SH2D4A: variants seen among roughly 807,000 people sequenced by gnomAD.
SH2D4A encodes the protein SH2 domain-containing protein 4A.
In SH2D4A, 70 loss-of-function variants were observed where a neutral mutation model predicts 64.7. The ratio of observed to expected loss-of-function variants is 1.08; its 90% CI spans 0.89 to 1.32. The LOEUF is 1.32. Ranked by LOEUF, SH2D4A falls within the 40% of genes most tolerant of loss-of-function variation. The pLI is 0.00. For synonymous variants in SH2D4A, 268 were observed against 200.7 expected, an observed-to-expected ratio of 1.34 and a Z score of -2.83; for missense variants, 706 against 540.1, an observed-to-expected ratio of 1.31 and a Z score of -3.04.
chr8:19,330,158 A>G (rs954308654), intron 2 of SH2D4A, among the ~76,000 whole-genome samples: 3 of 152,178 alleles, frequency 2.0e-5, no homozygotes, highest in African/African-American at 7.2e-5. Flanking sequence ...TGTAGAATGA[A>G]CTACTACGAA....
At chr8:19,390,970 A>G (rs922991228) in intron 8 of SH2D4A, among the ~76,000 whole-genome samples, 2 of 152,182 alleles carry the variant, frequency 1.3e-5, no homozygotes, top group Non-Finnish European at 2.9e-5. Context: ...CATAAATTGT[A>G]ACACCTGCCC....
intron 8 of SH2D4A, among the ~76,000 whole-genome samples, chr8:19,390,039 G>C (rs2053463839): frequency 6.6e-6 from 1 of 152,148 alleles, no homozygotes; most frequent in East Asian, 1.9e-4. Context: ...AGAATTCTTA[G>C]AGTTGTGCAA....
chr8:19,352,644 C>A (rs895383169), intron 4 of SH2D4A, among the ~76,000 whole-genome samples: 7 of 152,012 alleles, frequency 4.6e-5, no homozygotes, highest in African/African-American at 1.7e-4. Flanking sequence ...TCTGGGAGAC[C>A]CTGAGGAAGG....
intron 1 of SH2D4A, among the ~76,000 whole-genome samples, chr8:19,314,795 T>C (rs1410475661): frequency 6.6e-6 from 1 of 152,220 alleles, no homozygotes; most frequent in Admixed American, 6.5e-5. Flanking sequence ...ATACTAAATC[T>C]GTGTGTACAG....
chr8:19,337,234 C>T (rs1400350908), intron 4 of SH2D4A, among the ~76,000 whole-genome samples: 1 of 152,092 alleles, frequency 6.6e-6, no homozygotes, highest in African/African-American at 2.4e-5. Context: ...GACAGCAGGC[C>T]ACACAGCGAG....
intron 4 of SH2D4A, among the ~76,000 whole-genome samples, chr8:19,340,059 C>T (rs1214601661): frequency 6.6e-6 from 1 of 152,168 alleles, no homozygotes; most frequent in East Asian, 1.9e-4. Context: ...TACATTAGCA[C>T]TGGGGCAGCT....
chr8:19,361,175 TG>T, intron 5 of SH2D4A, 27 bp from the exon 6 acceptor site: 2 of 1,318,824 alleles, frequency 1.5e-6, no homozygotes, highest in Non-Finnish European at 2.1e-6. Flanking sequence ...GTTTTGTTTT[TG>T]TTTTTTTTTG....
chr8:19,319,355 A>G lies in SH2D4A; in HGVS notation c.-193A>G, dbSNP rs908341232. 1.1e-5 allele frequency: 14 copies of G among 1,236,174 alleles called. No homozygotes were observed. The African/African-American group carries it at 2.2e-4, about 19-fold the overall frequency. The allele number at this position is 1,236,174 out of a possible 1,614,324, so 76.6% of individuals were successfully genotyped here. A position where few individuals can be genotyped will look rare whatever the true frequency, so the allele number is the denominator to read the frequency against. ...CTTTCTCTCTGCAGGTTCAGTGAAC[A>G]GCATTTTGGACAGGACATTTGGTGC... On this transcript the variant is annotated 5_prime_UTR_variant, in exon 2 of 10. Coordinates refer to ENST00000265807, the MANE Select transcript of SH2D4A (RefSeq NM_022071.4).
intron 4 of SH2D4A, among the ~76,000 whole-genome samples, chr8:19,340,349 G>T (rs2052509872): frequency 6.6e-6 from 1 of 152,152 alleles, no homozygotes; most frequent in South Asian, 2.1e-4. Flanking sequence ...GAGCTGATCA[G>T]GTTTATATTT....
chr8:19,342,442 T>C (rs1474353505), intron 4 of SH2D4A, among the ~76,000 whole-genome samples: 1 of 152,246 alleles, frequency 6.6e-6, no homozygotes, highest in Non-Finnish European at 1.5e-5. Context: ...AGAGGATAGC[T>C]GGGAGCTTGG....
chr8:19,355,343 C>T lies in SH2D4A; in HGVS notation c.514-1860C>T, dbSNP rs192938798. 4.9e-4 allele frequency among the ~76,000 whole-genome samples: 75 copies of T among 152,210 alleles called. No homozygotes were observed. The East Asian group carries it at 7.7e-3, about 16-fold the overall frequency. On this transcript the variant is annotated intron_variant, in intron 4 of 9. Coordinates refer to ENST00000265807, the MANE Select transcript of SH2D4A (RefSeq NM_022071.4). ...AAGTCATCTTGGACTTTTGAGCAGA[C>T]GCGCTTACATGAAACTTGTGGGAAC...
intron 7 of SH2D4A, among the ~76,000 whole-genome samples, chr8:19,365,282 G>A (rs769910366): frequency 8.5e-5 from 13 of 152,058 alleles, no homozygotes; most frequent in Non-Finnish European, 8.8e-5. Flanking sequence ...GTTCCGTTTC[G>A]GGAAGTGGGG....
chr8:19,332,270 T>C, intron 2 of SH2D4A, among the ~76,000 whole-genome samples: 1 of 152,178 alleles, frequency 6.6e-6, no homozygotes, highest in Non-Finnish European at 1.5e-5. Flanking sequence ...TGTGAAGTGC[T>C]AGCTCTGTTA....
intron 2 of SH2D4A, among the ~76,000 whole-genome samples, chr8:19,321,655 T>G (rs1227626934): frequency 6.6e-6 from 1 of 152,206 alleles, no homozygotes; most frequent in Admixed American, 6.5e-5. Flanking sequence ...GAAACATAAC[T>G]CTTTTTCTTT....
intron 6 of SH2D4A, 121 bp downstream of exon 6, chr8:19,361,435 T>C: frequency 1.0e-6 from 1 of 995,480 alleles, no homozygotes; most frequent in Non-Finnish European, 1.4e-6. Context: ...CACAGTAAGT[T>C]ACCACTCAAA....
chr8:19,357,101 G>A (rs1466830437), intron 4 of SH2D4A, 102 bp from the exon 5 acceptor site: 3 of 886,098 alleles, frequency 3.4e-6, no homozygotes, highest in Middle Eastern at 2.2e-4. Context: ...CATCTGTAGG[G>A]GCGGGGGCAG....
intron 6 of SH2D4A, among the ~76,000 whole-genome samples, chr8:19,362,090 AGGT>A (rs2052900183): frequency 6.6e-6 from 1 of 152,230 alleles, no homozygotes; most frequent in African/African-American, 2.4e-5. Flanking sequence ...GATCAACCTG[AGGT>A]GGCTTGAGGA....
At chr8:19,373,742 G>T in intron 8 of SH2D4A, 82 bp downstream of exon 8, 1 of 1,495,786 alleles carries the variant, frequency 6.7e-7, no homozygotes. Flanking sequence ...CAGAATAAAA[G>T]CTTCCATTTA....
At chr8:19,362,347 A>G (rs985847343) in intron 6 of SH2D4A, among the ~76,000 whole-genome samples, 7 of 152,216 alleles carry the variant, frequency 4.6e-5, no homozygotes, top group Non-Finnish European at 7.3e-5. Context: ...AATAAAAATC[A>G]TTTTTACATT....
Sources: gnomAD v4.1 joint callset for allele counts (sites outside exome capture counted in the v4.1 genomes callset) on GRCh38, gnomAD v4.1.1 for gene constraint, MANE v1.5 for transcripts, NCBI Gene and HGNC (gene_info 2026-07-23, HGNC 2026-07-21) for gene names.